TAFA2: variants seen among roughly 807,000 people sequenced by gnomAD.
TAFA2 encodes the protein TAFA chemokine like family member 2.
TAFA2 carries 7 observed loss-of-function variants against 18.8 expected under a neutral mutation model. The ratio of observed to expected loss-of-function variants is 0.37; its 90% CI spans 0.21 to 0.70. TAFA2 has a LOEUF of 0.70. Among genes scored for constraint, TAFA2 ranks in the 30% least tolerant of loss-of-function variants. TAFA2 has a pLI of 0.53. For synonymous variants in TAFA2, 60 were observed against 54.2 expected (o/e 1.11, Z -0.47); for missense variants, 122 against 158.1 (o/e 0.77, Z 1.23).
At position 62,120,979 on chromosome 12, in the gene TAFA2, C is replaced by T. The variant is rs574790795; in HGVS notation, c.-2+70280G>A. Among the ~76,000 whole-genome samples, 9 of 152,112 alleles carry T rather than the reference C, an allele frequency of 5.9e-5. No individual in the cohort carries two copies. In the East Asian group the frequency reaches 1.2e-3, roughly 20 times the overall value. On this transcript the variant is annotated intron_variant, in intron 1 of 4. Coordinates refer to ENST00000416284, the MANE Select transcript of TAFA2 (RefSeq NM_178539.5). ...CAAGCATTCTCCTGCCTCAGCCTCC[C>T]GAATAGGTGGGATTACAGACGCATG...
At chr12:61,739,166 A>G (rs1391300169) in intron 4 of TAFA2, among the ~76,000 whole-genome samples, 3 of 152,092 alleles carry the variant, frequency 2.0e-5, no homozygotes, top group Admixed American at 1.3e-4. Flanking sequence ...CAAGACCACC[A>G]GCTAATACAT....
chr12:62,125,333 T>C (rs1413837582), intron 1 of TAFA2, among the ~76,000 whole-genome samples: 1 of 152,124 alleles, frequency 6.6e-6, no homozygotes. Context: ...CTCTTCTAAG[T>C]ATGGGGCCCT....
intron 1 of TAFA2, among the ~76,000 whole-genome samples, chr12:61,933,150 T>G (rs1437479880): frequency 6.6e-6 from 1 of 152,160 alleles, no homozygotes; most frequent in Non-Finnish European, 1.5e-5. Flanking sequence ...AAACTTTGTA[T>G]GAAAACCTGA....
At chr12:62,073,205 C>G (rs71465130) in intron 1 of TAFA2, among the ~76,000 whole-genome samples, 3 of 152,160 alleles carry the variant, frequency 2.0e-5, no homozygotes, top group Non-Finnish European at 4.4e-5. Context: ...AAACATCCTA[C>G]GGATATCCTA....
chr12:62,095,277 T>C (rs1260812769), intron 1 of TAFA2, among the ~76,000 whole-genome samples: 1 of 152,116 alleles, frequency 6.6e-6, no homozygotes, highest in South Asian at 2.1e-4. Context: ...AAAGAAGGGA[T>C]ATAATTGCCA....
At chr12:62,019,526 T>C (rs1881051820) in intron 1 of TAFA2, among the ~76,000 whole-genome samples, 1 of 151,918 alleles carries the variant, frequency 6.6e-6, no homozygotes, top group Non-Finnish European at 1.5e-5. Context: ...TGTAGGGACA[T>C]AGATGAAGCT....
chr12:61,750,364 C>G (rs1231161950), intron 4 of TAFA2, among the ~76,000 whole-genome samples: 1 of 152,056 alleles, frequency 6.6e-6, no homozygotes, highest in East Asian at 1.9e-4. Context: ...TGGGAAACAA[C>G]TGTTGCATCT....
chr12:61,772,551 G>T (rs767779678), intron 2 of TAFA2, among the ~76,000 whole-genome samples: 3 of 151,926 alleles, frequency 2.0e-5, no homozygotes, highest in African/African-American at 4.8e-5. Flanking sequence ...TGCAGGGATG[G>T]TTTAACATAT....
intron 2 of TAFA2, among the ~76,000 whole-genome samples, chr12:61,772,911 A>G (rs1287432294): frequency 6.6e-6 from 1 of 151,998 alleles, no homozygotes; most frequent in Non-Finnish European, 1.5e-5. Context: ...GTGAAGAGGA[A>G]GTCAAACTGT....
chr12:61,797,805 T>C (rs1374462315), intron 2 of TAFA2, among the ~76,000 whole-genome samples: 2 of 152,244 alleles, frequency 1.3e-5, no homozygotes, highest in Admixed American at 6.5e-5. Flanking sequence ...AGGCACAAGC[T>C]AGACGCTGGT....
intron 1 of TAFA2, among the ~76,000 whole-genome samples, chr12:62,087,669 T>G (rs1868513287): frequency 6.6e-6 from 1 of 151,894 alleles, no homozygotes; most frequent in Admixed American, 6.6e-5. Context: ...GGAAGGAGCC[T>G]AGATTTTCTT....
intron 1 of TAFA2, among the ~76,000 whole-genome samples, chr12:61,967,915 G>A (rs1879122261): frequency 6.6e-6 from 1 of 151,814 alleles, no homozygotes; most frequent in African/African-American, 2.4e-5. Flanking sequence ...CACATAAGCA[G>A]GTCTGCAGTC....
intron 1 of TAFA2, among the ~76,000 whole-genome samples, chr12:62,248,367 C>T (rs55993925): frequency 6.6e-6 from 1 of 152,118 alleles, no homozygotes. Context: ...CCAAGGAGCT[C>T]GTCTATACAT....
chr12:61,741,273 T>C (rs1868431540), intron 4 of TAFA2, among the ~76,000 whole-genome samples: 2 of 151,046 alleles, frequency 1.3e-5, no homozygotes, highest in South Asian at 2.1e-4. Flanking sequence ...CTCTGCTCTG[T>C]GTGTGTGTGT....
chr12:62,038,503 T>C (rs1881671404), intron 1 of TAFA2, among the ~76,000 whole-genome samples: 1 of 152,142 alleles, frequency 6.6e-6, no homozygotes, highest in Admixed American at 6.5e-5. Context: ...AGTAATCTAG[T>C]GATCATTTAA....
chr12:61,926,957 C>T (rs1304745044), intron 1 of TAFA2, among the ~76,000 whole-genome samples: 1 of 151,406 alleles, frequency 6.6e-6, no homozygotes, highest in African/African-American at 2.4e-5. Flanking sequence ...TGCCTGTAGT[C>T]CCAGCTACTC....
At chr12:61,938,230 T>TAAAAA (rs1157161976) in intron 1 of TAFA2, among the ~76,000 whole-genome samples, 183 of 98,422 alleles carry the variant, frequency 1.9e-3, no homozygotes, top group Admixed American at 5.1e-3. Flanking sequence ...ATAGATATGG[T>TAAAAA]AAAAAAAAAA....
At chr12:62,062,849 C>T (rs1191059470) in intron 1 of TAFA2, among the ~76,000 whole-genome samples, 1 of 152,104 alleles carries the variant, frequency 6.6e-6, no homozygotes, top group Non-Finnish European at 1.5e-5. Flanking sequence ...AAAGGCCTTT[C>T]CCAGCTTTTA....
chr12:62,165,654 T>C (rs1436043438), intron 1 of TAFA2, among the ~76,000 whole-genome samples: 8 of 152,082 alleles, frequency 5.3e-5, no homozygotes, highest in Non-Finnish European at 8.8e-5. Flanking sequence ...TAGAGATATC[T>C]CTGTGTTTCC....
Sources: allele counts gnomAD v4.1 joint callset (sites outside exome capture counted in the v4.1 genomes callset), GRCh38; gene constraint gnomAD v4.1.1; transcripts MANE v1.5; gene names NCBI Gene and HGNC (gene_info 2026-07-23, HGNC 2026-07-21).